WWOX: variants seen among roughly 807,000 people sequenced by gnomAD.
The protein encoded by WWOX is WW domain containing oxidoreductase.
A neutral mutation model predicts 46.2 loss-of-function variants in WWOX; 69 were observed. The observed-to-expected ratio is 1.49, with a 90% confidence interval of 1.23 to 1.82. The LOEUF (loss-of-function observed/expected upper bound fraction) is 1.82, where lower values mean the gene tolerates loss of function less well. Among genes scored for constraint, WWOX ranks in the 40% most tolerant of loss-of-function variants. The pLI is 0.00. For missense variants in WWOX, 919 were observed against 542.6 expected, an observed-to-expected ratio of 1.69 and a Z score of -6.89; for synonymous variants, 359 against 202.6, an observed-to-expected ratio of 1.77 and a Z score of -6.56.
intron 8 of WWOX, among the ~76,000 whole-genome samples, chr16:79,209,525 T>C (rs1288996027): frequency 6.6e-6 from 1 of 152,146 alleles, no homozygotes; most frequent in Non-Finnish European, 1.5e-5. Flanking sequence ...GGCGGGAGGC[T>C]GGACTTGAAA....
At chr16:78,642,739 T>C (rs2046750447) in intron 8 of WWOX, among the ~76,000 whole-genome samples, 1 of 152,122 alleles carries the variant, frequency 6.6e-6, no homozygotes, top group South Asian at 2.1e-4. Context: ...TGTGTGTGGG[T>C]GCACATCAGG....
chr16:79,143,122 C>G (rs923791859), intron 8 of WWOX, among the ~76,000 whole-genome samples: 2 of 152,144 alleles, frequency 1.3e-5, no homozygotes, highest in African/African-American at 4.8e-5. Context: ...GTTTAAGGGA[C>G]TGTTTGTCAT....
intron 8 of WWOX, among the ~76,000 whole-genome samples, chr16:79,020,380 C>G (rs914917049): frequency 2.6e-5 from 4 of 152,158 alleles, no homozygotes; most frequent in African/African-American, 9.7e-5. Context: ...GGCTCTGCCA[C>G]TTGCTATAAT....
At chr16:78,767,574 C>T (rs1320267460) in intron 8 of WWOX, among the ~76,000 whole-genome samples, 1 of 151,816 alleles carries the variant, frequency 6.6e-6, no homozygotes, top group African/African-American at 2.4e-5. Flanking sequence ...GATTCTTCTG[C>T]ATGTATACCT....
chr16:78,684,072 C>G (rs7193360), intron 8 of WWOX, among the ~76,000 whole-genome samples: 1 of 152,124 alleles, frequency 6.6e-6, no homozygotes, highest in Non-Finnish European at 1.5e-5. Flanking sequence ...CTCGCACATG[C>G]TTCCTTTTTA....
At chr16:78,877,127 T>A (rs2044249572) in intron 8 of WWOX, among the ~76,000 whole-genome samples, 1 of 152,170 alleles carries the variant, frequency 6.6e-6, no homozygotes, top group Non-Finnish European at 1.5e-5. Context: ...ATTTTGACAA[T>A]TCCTTCATCT....
At chr16:78,457,634 C>A (rs537206843) in intron 8 of WWOX, among the ~76,000 whole-genome samples, 21 of 152,172 alleles carry the variant, frequency 1.4e-4, no homozygotes, top group African/African-American at 5.1e-4. Context: ...CATGAACTGG[C>A]CATGTACGGT....
chr16:78,479,409 T>C (rs1166875680), intron 8 of WWOX, among the ~76,000 whole-genome samples: 1 of 152,232 alleles, frequency 6.6e-6, no homozygotes, highest in Non-Finnish European at 1.5e-5. Flanking sequence ...GCTTTCATTG[T>C]AATGTTTTAA....
At chr16:78,434,350 C>T (rs755490921) in intron 8 of WWOX, among the ~76,000 whole-genome samples, 2 of 152,142 alleles carry the variant, frequency 1.3e-5, no homozygotes, top group Admixed American at 1.3e-4. Context: ...TTTGAAATCT[C>T]CCCATCACTT....
chr16:78,400,837 G>A (rs547023776), intron 6 of WWOX, among the ~76,000 whole-genome samples: 2 of 152,178 alleles, frequency 1.3e-5, no homozygotes, highest in African/African-American at 4.8e-5. Context: ...TTTGTTACTT[G>A]TTTCTGAGAT....
chr16:79,027,507 C>T (rs1459814577), intron 8 of WWOX, among the ~76,000 whole-genome samples: 1 of 151,770 alleles, frequency 6.6e-6, no homozygotes, highest in Admixed American at 6.5e-5. Flanking sequence ...TGACTTCTGC[C>T]TGCCATCATT....
intron 5 of WWOX, among the ~76,000 whole-genome samples, chr16:78,225,793 A>G (rs1012270156): frequency 3.3e-5 from 5 of 152,182 alleles, no homozygotes; most frequent in Non-Finnish European, 1.5e-5. Flanking sequence ...TTAGGTTAAC[A>G]TGGAAAAAAC....
chr16:78,330,825 C>A (rs1039666349), intron 5 of WWOX, among the ~76,000 whole-genome samples: 1 of 152,232 alleles, frequency 6.6e-6, no homozygotes, highest in Non-Finnish European at 1.5e-5. Context: ...TTTGTACTTT[C>A]AAACTTCCTC....
intron 8 of WWOX, among the ~76,000 whole-genome samples, chr16:78,696,060 G>C (rs1008946434): frequency 6.6e-6 from 1 of 152,182 alleles, no homozygotes; most frequent in African/African-American, 2.4e-5. Context: ...AGCTTTCTGG[G>C]TGATTCTGAT....
At chr16:78,515,860 C>G (rs1308896699) in intron 8 of WWOX, among the ~76,000 whole-genome samples, 1 of 152,216 alleles carries the variant, frequency 6.6e-6, no homozygotes, top group African/African-American at 2.4e-5. Context: ...TCTTGGCAGT[C>G]TGGCAAGGTA....
At chr16:79,122,874 T>A (rs1054376087) in intron 8 of WWOX, among the ~76,000 whole-genome samples, 1 of 152,194 alleles carries the variant, frequency 6.6e-6, no homozygotes, top group Non-Finnish European at 1.5e-5. Flanking sequence ...TGAGGGCTGT[T>A]GTACTGAGGC....
chr16:78,449,629 C>G (rs1040361337), intron 8 of WWOX, among the ~76,000 whole-genome samples: 6 of 152,162 alleles, frequency 3.9e-5, no homozygotes, highest in African/African-American at 1.4e-4. Context: ...TTCCCTCTTT[C>G]TGGACTGAGA....
chr16:78,424,210 T>G (rs55762614), intron 6 of WWOX, among the ~76,000 whole-genome samples: 1 of 148,868 alleles, frequency 6.7e-6, no homozygotes, highest in African/African-American at 2.5e-5. Flanking sequence ...CTCTGCCTCC[T>G]GGGTTCAAGT....
intron 8 of WWOX, among the ~76,000 whole-genome samples, chr16:78,494,968 A>G (rs541710901): frequency 6.6e-6 from 1 of 152,250 alleles, no homozygotes; most frequent in African/African-American, 2.4e-5. Context: ...CCATCAGATG[A>G]GTGGAGGTTT....
Sources: allele counts gnomAD v4.1 joint callset (sites outside exome capture counted in the v4.1 genomes callset), GRCh38; gene constraint gnomAD v4.1.1; transcripts MANE v1.5; gene names NCBI Gene and HGNC (gene_info 2026-07-23, HGNC 2026-07-21).